The following GNAI1 variants were observed in gnomAD, a reference collection of about 807,000 sequenced individuals.
The protein encoded by GNAI1 is G protein subunit alpha i1.
A neutral mutation model predicts 38.9 loss-of-function variants in GNAI1; 11 were observed. That is an observed-to-expected ratio of 0.28 (90% confidence interval 0.18 to 0.47). The LOEUF is 0.47. Ranked by LOEUF, GNAI1 falls within the 20% of genes least tolerant of loss-of-function variation. The pLI, the probability that GNAI1 is intolerant of heterozygous loss-of-function variation, is 0.99. For synonymous variants in GNAI1, 166 were observed against 145.1 expected (o/e 1.14, Z -1.04); for missense variants, 317 against 436.9 (o/e 0.73, Z 2.45).
intron 1 of GNAI1, among the ~76,000 whole-genome samples, chr7:80,173,146 C>T (rs904460436): frequency 2.0e-5 from 3 of 152,144 alleles, no homozygotes; most frequent in Non-Finnish European, 4.4e-5. Flanking sequence ...CTCCACTTCC[C>T]GTACTTGTTT....
intron 5 of GNAI1, among the ~76,000 whole-genome samples, chr7:80,205,678 ACCC>A (rs954507607): frequency 8.5e-5 from 13 of 152,056 alleles, no homozygotes; most frequent in Admixed American, 2.0e-4. Flanking sequence ...TCTAACTTTT[ACCC>A]AACTCCATCC....
At chr7:80,151,085 C>T (rs1464497652) in intron 1 of GNAI1, among the ~76,000 whole-genome samples, 2 of 152,038 alleles carry the variant, frequency 1.3e-5, no homozygotes, top group African/African-American at 4.8e-5. Flanking sequence ...CCTGCATTTC[C>T]ATATTTCCCA....
chr7:80,200,324 C>CAAAAAAAA lies in GNAI1; in HGVS notation c.461+958_461+965dup, dbSNP rs59511755. Among the ~76,000 whole-genome samples the CAAAAAAAA allele has an allele frequency of 1.8e-3, 74 of 40,366 alleles. 11 individuals carry two copies. The highest frequency in any genetic ancestry group is 0.011 in the African/African-American group (66 of 6,042). 26.5% of individuals were successfully genotyped at this position (40,366 alleles called of 152,430 possible). ...CTGGAGATGGAGTGAGGCCATGTCT[C>CAAAAAAAA]AAAAAAAAAAAAAAAAAAAAAAACC... On this transcript the variant is annotated intron_variant, in intron 4 of 7. Transcript: ENST00000649796.
At chr7:80,174,234 T>C (rs1788144426) in intron 1 of GNAI1, among the ~76,000 whole-genome samples, 1 of 152,134 alleles carries the variant, frequency 6.6e-6, no homozygotes, top group Non-Finnish European at 1.5e-5. Flanking sequence ...TACAGAAACA[T>C]TCAAGAAGTA....
rs1343419526 is a variant in GNAI1 at position 80,218,783 on chromosome 7, A to T, written c.*1290A>T. On this transcript the variant is annotated 3_prime_UTR_variant, in exon 8 of 8. Coordinates refer to ENST00000649796, the MANE Select transcript of GNAI1 (RefSeq NM_002069.6). Reference sequence around the variant, plus strand: ...ACTTAGAAAATGAGTAATAGTGTTTAATAAGTCAGTGATTATATGTGTGCT... The same window carrying T: ...ACTTAGAAAATGAGTAATAGTGTTTTATAAGTCAGTGATTATATGTGTGCT... 1 of 152,164 alleles carries T rather than the reference A, an allele frequency of 6.6e-6. No individual in the cohort carries two copies. Among genetic ancestry groups the T allele is most frequent in the Non-Finnish European group, 1.5e-5 (1 of 68,026 alleles). 9.4% of individuals were successfully genotyped at this position (152,164 alleles called of 1,614,324 possible). A position where few individuals can be genotyped will look rare whatever the true frequency, so the allele number is the denominator to read the frequency against.
intron 1 of GNAI1, among the ~76,000 whole-genome samples, chr7:80,148,968 T>C (rs1274985165): frequency 1.3e-5 from 2 of 152,106 alleles, no homozygotes; most frequent in Admixed American, 6.6e-5. Flanking sequence ...CTTAATTATA[T>C]GCAGTATCAG....
At chr7:80,186,570 C>G (rs906750554) in intron 1 of GNAI1, among the ~76,000 whole-genome samples, 8 of 152,058 alleles carry the variant, frequency 5.3e-5, no homozygotes, top group African/African-American at 1.7e-4. Flanking sequence ...TTTACTATTT[C>G]TGATTTTCTT....
At chr7:80,215,068 AT>A (rs1462558919) in intron 7 of GNAI1, among the ~76,000 whole-genome samples, 1 of 151,906 alleles carries the variant, frequency 6.6e-6, no homozygotes, top group Non-Finnish European at 1.5e-5. Context: ...TTCCCTTTTG[AT>A]TGTGTCATCA....
chr7:80,142,093 C>A (rs1190129050), intron 1 of GNAI1, among the ~76,000 whole-genome samples: 1 of 152,156 alleles, frequency 6.6e-6, no homozygotes, highest in Non-Finnish European at 1.5e-5. Flanking sequence ...ACATTAACAT[C>A]GTATTTCTAT....
At chr7:80,186,017 C>T (rs961432518) in intron 1 of GNAI1, among the ~76,000 whole-genome samples, 1 of 139,890 alleles carries the variant, frequency 7.1e-6, no homozygotes, top group South Asian at 2.4e-4. Context: ...GACTGCCATC[C>T]GCACTCTTTT....
chr7:80,135,362 G>A (rs1787391258), intron 1 of GNAI1, 84 bp downstream of exon 1: 2 of 812,248 alleles, frequency 2.5e-6, no homozygotes, highest in South Asian at 3.2e-5. Context: ...GAAACCCGGA[G>A]GGAAGGGGGA....
intron 5 of GNAI1, among the ~76,000 whole-genome samples, chr7:80,205,095 C>G (rs1788750694): frequency 6.6e-6 from 1 of 152,080 alleles, no homozygotes. Context: ...TGAAGGAACA[C>G]CAAACACAAA....
At chr7:80,194,147 C>G (rs1387782757) in intron 3 of GNAI1, among the ~76,000 whole-genome samples, 2 of 152,106 alleles carry the variant, frequency 1.3e-5, no homozygotes, top group African/African-American at 4.8e-5. Flanking sequence ...CTCTGGGCAG[C>G]CAAAATTTAG....
rs572147732 is a variant in GNAI1, at chr7:80,222,667, G to T, written c.*5174G>T. ...CGCCCAAAGTGCTGGGATTACAGGT[G>T]TGAGCCACCGCACCTGGCCAAAATA... On this transcript the variant is annotated 3_prime_UTR_variant, in exon 8 of 8. Transcript: ENST00000649796. Among the ~76,000 whole-genome samples the T allele has an allele frequency of 1.3e-5, 2 of 152,066 alleles. No homozygotes were observed. Among genetic ancestry groups the T allele is most frequent in the African/African-American group, 4.8e-5 (2 of 41,384 alleles).
chr7:80,210,857 T>G, intron 5 of GNAI1, 112 bp from the exon 6 acceptor site: 2 of 820,500 alleles, frequency 2.4e-6, no homozygotes, highest in Non-Finnish European at 3.7e-6. Flanking sequence ...CTCTCCTTCC[T>G]TTTCATCAGA....
In GNAI1 at chr7:80,224,058, A is replaced by C. The variant is rs1333272595; in HGVS notation, c.*6565A>C. ...ACTTAAGGCTTCTAGATGCAGATTT[A>C]TACAATAGTGCTAAATCAAGACCTT... On this transcript the variant is annotated 3_prime_UTR_variant, in exon 8 of 8. Transcript: ENST00000649796. Among the ~76,000 whole-genome samples the C allele has an allele frequency of 6.6e-6, 1 of 152,200 alleles. No individual in the cohort carries two copies. The highest frequency in any genetic ancestry group is 2.4e-5 in the African/African-American group (1 of 41,460).
chr7:80,165,859 T>G (rs1485106762), intron 1 of GNAI1, among the ~76,000 whole-genome samples: 1 of 152,312 alleles, frequency 6.6e-6, no homozygotes, highest in South Asian at 2.1e-4. Flanking sequence ...TGATAGCAGT[T>G]ACTGTACCAT....
At chr7:80,166,630 AT>A (rs1280989277) in intron 1 of GNAI1, among the ~76,000 whole-genome samples, 1 of 152,138 alleles carries the variant, frequency 6.6e-6, no homozygotes, top group East Asian at 1.9e-4. Context: ...AATGTTGTTT[AT>A]TTAACTCTAC....
intron 4 of GNAI1, among the ~76,000 whole-genome samples, chr7:80,200,810 A>G (rs368583711): frequency 2.0e-5 from 3 of 152,196 alleles, no homozygotes; most frequent in African/African-American, 7.2e-5. Context: ...TTATACATGT[A>G]TATATAACAT....
Sources: gnomAD v4.1 joint callset for allele counts (sites outside exome capture counted in the v4.1 genomes callset) on GRCh38, gnomAD v4.1.1 for gene constraint, MANE v1.5 for transcripts, NCBI Gene and HGNC (gene_info 2026-07-23, HGNC 2026-07-21) for gene names.